ACYP2: variants seen among roughly 807,000 people sequenced by gnomAD.
ACYP2 encodes acylphosphatase 2.
A neutral mutation model predicts 11.2 loss-of-function variants in ACYP2; 12 were observed. That is an observed-to-expected ratio of 1.08 (90% confidence interval 0.69 to 1.74). The LOEUF (loss-of-function observed/expected upper bound fraction) is 1.74, where lower values mean the gene tolerates loss of function less well. Among genes scored for constraint, ACYP2 ranks in the 40% most tolerant of loss-of-function variants. The probability of loss-of-function intolerance (pLI) is 0.00; values close to 1 mark genes in which losing one functional copy is unlikely to be tolerated. For synonymous variants in ACYP2, 43 were observed against 32.2 expected (o/e 1.33, Z -1.13); for missense variants, 134 against 101.9 (o/e 1.31, Z -1.35).
intron 6 of ACYP2, among the ~76,000 whole-genome samples, chr2:54,271,601 A>G (rs1558659392): frequency 1.3e-5 from 2 of 151,738 alleles, no homozygotes; most frequent in Non-Finnish European, 2.9e-5. Context: ...TATCCATACA[A>G]ACCCTAGCCC....
intron 6 of ACYP2, among the ~76,000 whole-genome samples, chr2:54,174,783 C>A (rs1683367230): frequency 6.6e-6 from 1 of 152,076 alleles, no homozygotes; most frequent in South Asian, 2.1e-4. Flanking sequence ...TTGAGATAAT[C>A]ATGTGGTTTT....
chr2:54,296,308 GC>G (rs1689522388), intron 6 of ACYP2, among the ~76,000 whole-genome samples: 4 of 152,182 alleles, frequency 2.6e-5, no homozygotes, highest in Admixed American at 1.3e-4. Flanking sequence ...AATGCGTGGT[GC>G]TTACTGTATT....
At chr2:53,994,261 C>T (rs1672449118) in intron 2 of ACYP2, among the ~76,000 whole-genome samples, 3 of 126,076 alleles carry the variant, frequency 2.4e-5, no homozygotes, top group Non-Finnish European at 4.7e-5. Flanking sequence ...ACCCAGGAGG[C>T]GGAGCTTGCA....
intron 2 of ACYP2, among the ~76,000 whole-genome samples, chr2:53,979,576 G>A (rs1204925588): frequency 1.3e-5 from 2 of 151,168 alleles, no homozygotes; most frequent in Non-Finnish European, 2.9e-5. Context: ...GCAGTGAGCC[G>A]AGATTGTGCC....
At chr2:53,998,258 G>C (rs1482064512) in intron 2 of ACYP2, among the ~76,000 whole-genome samples, 9 of 152,152 alleles carry the variant, frequency 5.9e-5, no homozygotes, top group Admixed American at 5.9e-4. Context: ...GAATTGAAGA[G>C]TGAGTGGGTG....
intron 4 of ACYP2, among the ~76,000 whole-genome samples, chr2:54,122,911 G>A (rs1332998353): frequency 1.3e-5 from 2 of 152,174 alleles, no homozygotes; most frequent in Non-Finnish European, 2.9e-5. Flanking sequence ...GTAAAGCGGA[G>A]TTTTAGGAAT....
At chr2:54,222,301 G>C (rs1454720262) in intron 6 of ACYP2, among the ~76,000 whole-genome samples, 2 of 152,108 alleles carry the variant, frequency 1.3e-5, no homozygotes, top group Non-Finnish European at 2.9e-5. Flanking sequence ...TGTAGTCCTA[G>C]CACTTTGGGA....
At chr2:54,126,388 CTT>C (rs926785984) in intron 4 of ACYP2, among the ~76,000 whole-genome samples, 1 of 152,134 alleles carries the variant, frequency 6.6e-6, no homozygotes, top group Admixed American at 6.6e-5. Context: ...CAACCTAAGT[CTT>C]TTGATGAGAT....
At chr2:54,129,287 T>C (rs1177717177) in intron 4 of ACYP2, among the ~76,000 whole-genome samples, 1 of 152,186 alleles carries the variant, frequency 6.6e-6, no homozygotes. Context: ...ACTTTAGAGA[T>C]TTTTAATTAA....
chr2:54,264,112 CAG>C (rs1220243578), intron 6 of ACYP2, among the ~76,000 whole-genome samples: 2 of 152,218 alleles, frequency 1.3e-5, no homozygotes, highest in East Asian at 1.9e-4. Flanking sequence ...ATGGTGTGTG[CAG>C]AGTTTGTTCC....
intron 6 of ACYP2, chr2:54,255,783 T>A (rs1359390984): frequency 6.2e-7 from 1 of 1,613,842 alleles, no homozygotes; most frequent in South Asian, 1.1e-5. Flanking sequence ...TCTCCCCACC[T>A]AGGCCGTGCG....
chr2:54,026,647 T>G (rs1342015229), intron 2 of ACYP2, among the ~76,000 whole-genome samples: 1 of 152,180 alleles, frequency 6.6e-6, no homozygotes, highest in Non-Finnish European at 1.5e-5. Context: ...TGCAAAAATA[T>G]GGAACCAGCC....
At chr2:54,212,748 A>G (rs1685378956) in intron 6 of ACYP2, among the ~76,000 whole-genome samples, 2 of 152,216 alleles carry the variant, frequency 1.3e-5, no homozygotes, top group African/African-American at 4.8e-5. Context: ...ACAGTAGCCA[A>G]ACACAGTTGA....
At chr2:54,215,227 G>T (rs1333169296) in intron 6 of ACYP2, among the ~76,000 whole-genome samples, 2 of 152,084 alleles carry the variant, frequency 1.3e-5, no homozygotes, top group African/African-American at 4.8e-5. Flanking sequence ...CTCCTGTTTG[G>T]AATCCTTTTA....
intron 6 of ACYP2, among the ~76,000 whole-genome samples, chr2:54,220,217 T>C (rs1685746526): frequency 1.3e-5 from 2 of 152,156 alleles, no homozygotes; most frequent in South Asian, 4.1e-4. Context: ...TCTGTTATCA[T>C]TACAGCATAT....
intron 6 of ACYP2, among the ~76,000 whole-genome samples, chr2:54,298,952 C>T (rs843734): frequency 0.34 from 51,230 of 151,950 alleles, 9,293 homozygotes; most frequent in Admixed American, 0.48. Flanking sequence ...GGGGTTTCAC[C>T]GTGTTGGCCA....
chr2:54,204,239 C>T (rs368402030), intron 6 of ACYP2, among the ~76,000 whole-genome samples: 78 of 151,904 alleles, frequency 5.1e-4, no homozygotes, highest in Middle Eastern at 3.5e-3. Flanking sequence ...CCTCATGTTC[C>T]GCCCACCTCG....
chr2:54,293,128 A>G (rs553946116), intron 6 of ACYP2, among the ~76,000 whole-genome samples: 136 of 152,318 alleles, frequency 8.9e-4, no homozygotes, highest in African/African-American at 3.2e-3. Flanking sequence ...CTCATTTTAC[A>G]GATGAGGCAC....
chr2:53,985,070 C>CTTTTT (rs1178409999), intron 2 of ACYP2, among the ~76,000 whole-genome samples: 1 of 134,996 alleles, frequency 7.4e-6, no homozygotes. Context: ...TTTTTTCTTT[C>CTTTTT]TTTTTTTTTT....
Sources: gnomAD v4.1 joint callset for allele counts (sites outside exome capture counted in the v4.1 genomes callset) on GRCh38, gnomAD v4.1.1 for gene constraint, MANE v1.5 for transcripts, NCBI Gene and HGNC (gene_info 2026-07-23, HGNC 2026-07-21) for gene names.